CLEC12A: variants seen among roughly 807,000 people sequenced by gnomAD.
CLEC12A encodes C-type lectin protein CLL-1.
Under a neutral mutation model 26.5 loss-of-function variants are expected in CLEC12A, and 22 were observed. That is an observed-to-expected ratio of 0.83 (90% CI 0.59 to 1.19). The LOEUF (loss-of-function observed/expected upper bound fraction) is 1.19. Among genes scored for constraint, CLEC12A ranks in the 50% most tolerant of loss-of-function variants. The pLI, the probability that CLEC12A is intolerant of heterozygous loss-of-function variation, is 0.00. For synonymous variants in CLEC12A, 119 were observed against 101.9 expected, an observed-to-expected ratio of 1.17 and a Z score of -1.01; for missense variants, 353 against 315.6, an observed-to-expected ratio of 1.12 and a Z score of -0.90.
chr12:9,998,992 A>AT (rs749430592), downstream of CLEC12A: 5 of 1,122,308 alleles, frequency 4.5e-6, no homozygotes, highest in South Asian at 1.3e-5. Flanking sequence ...GAATCAACTC[A>AT]TTTTTTAAAT....
intron 1 of CLEC12A, among the ~76,000 whole-genome samples, chr12:9,973,931 G>C (rs1191307793): frequency 2.0e-5 from 3 of 151,948 alleles, no homozygotes; most frequent in Non-Finnish European, 4.4e-5. Context: ...CACAATCCTT[G>C]CTTGACCACT....
the CLEC12A span, among the ~76,000 whole-genome samples, chr12:10,002,618 A>G: frequency 6.6e-6 from 1 of 151,278 alleles, no homozygotes; most frequent in African/African-American, 2.4e-5. Flanking sequence ...AATTTTTTGT[A>G]TTTTTAATAG....
chr12:9,971,021 G>A (rs1017887197), upstream of CLEC12A, among the ~76,000 whole-genome samples: 4 of 152,236 alleles, frequency 2.6e-5, no homozygotes, highest in Non-Finnish European at 5.9e-5. Flanking sequence ...GACACTAACT[G>A]TCTCATTCTC....
the CLEC12A span, among the ~76,000 whole-genome samples, chr12:10,004,179 A>AAC: frequency 6.6e-6 from 1 of 152,278 alleles, no homozygotes; most frequent in South Asian, 2.1e-4. Context: ...GGGTGCCTGG[A>AAC]ACCCCAGTGT....
At chr12:9,968,877 G>A (rs182670340), upstream of CLEC12A, among the ~76,000 whole-genome samples, 713 of 152,212 alleles carry the variant, frequency 4.7e-3, 7 homozygotes, top group South Asian at 0.028. Context: ...GGGAGTGCAG[G>A]TATCTATAGT....
chr12:9,956,730 G>A (rs528828144), intron 1 of CLEC12A, among the ~76,000 whole-genome samples: 22 of 152,298 alleles, frequency 1.4e-4, no homozygotes, highest in Admixed American at 3.9e-4. Context: ...AAATAAATTG[G>A]TCCTACTGTG....
chr12:9,998,980 T>C (rs932217595), downstream of CLEC12A: 3 of 1,002,548 alleles, frequency 3.0e-6, no homozygotes, highest in Non-Finnish European at 4.7e-6. Flanking sequence ...AAAGAAAGAA[T>C]TGAATCAACT....
the CLEC12A span, among the ~76,000 whole-genome samples, chr12:10,005,754 T>G: frequency 3.3e-5 from 5 of 152,328 alleles, no homozygotes; most frequent in East Asian, 7.7e-4. Context: ...CCATCCTATA[T>G]TCATCCTCTG....
chr12:9,954,205 T>TAAAAAA lies in CLEC12A; in HGVS notation c.10+2872_10+2877dup, dbSNP rs35173002. On this transcript the variant is annotated intron_variant, in intron 1 of 6. Transcript: ENST00000355690. Reference sequence around the variant, plus strand: ...GTGAGAAACACCCAAGAATTATCAATAAAAAAAAAAAAAAAAAAAAAAAAA... The same window carrying TAAAAAA: ...GTGAGAAACACCCAAGAATTATCAATAAAAAAAAAAAAAAAAAAAAAAAAAAAAAAA... Among the ~76,000 whole-genome samples, 318 of 64,304 alleles carry TAAAAAA rather than the reference T, an allele frequency of 4.9e-3. 2 individuals are homozygous for TAAAAAA. Among genetic ancestry groups the TAAAAAA allele is most frequent in the Middle Eastern group, 0.023 (2 of 88 alleles). 42.2% of individuals were successfully genotyped at this position (64,304 alleles called of 152,430 possible). A position where few individuals can be genotyped will look rare whatever the true frequency, so the allele number is the denominator to read the frequency against.
intron 1 of CLEC12A, among the ~76,000 whole-genome samples, chr12:9,956,778 A>C (rs760075547): frequency 2.0e-4 from 30 of 152,208 alleles, no homozygotes; most frequent in South Asian, 4.1e-4. Context: ...GGAGAGAGAA[A>C]CATTATGTTT....
At chr12:9,957,216 G>A (rs1039806442) in intron 1 of CLEC12A, among the ~76,000 whole-genome samples, 6 of 151,834 alleles carry the variant, frequency 4.0e-5, no homozygotes, top group African/African-American at 9.7e-5. Context: ...TGGGTAGGGC[G>A]GTGGCTCATG....
downstream of CLEC12A, among the ~76,000 whole-genome samples, chr12:9,998,840 T>A (rs1440200545): frequency 6.6e-6 from 1 of 152,192 alleles, no homozygotes; most frequent in Non-Finnish European, 1.5e-5. Flanking sequence ...CAATTTTCCC[T>A]GCACATATAT....
At chr12:9,980,446 A>AG in intron 3 of CLEC12A, 136 bp from the exon 4 acceptor site, 1 of 962,100 alleles carries the variant, frequency 1.0e-6, no homozygotes, top group South Asian at 1.8e-5. Flanking sequence ...AAAAAAAAAA[A>AG]AAGGGGGAAA....
At chr12:9,973,210 T>C (rs1293106292) in intron 1 of CLEC12A, among the ~76,000 whole-genome samples, 2 of 152,142 alleles carry the variant, frequency 1.3e-5, no homozygotes, top group African/African-American at 4.8e-5. Context: ...CCCATAGTCC[T>C]AGCACTTTGA....
chr12:9,951,447 C>T, intron 1 of CLEC12A: 4 of 700,718 alleles, frequency 5.7e-6, no homozygotes, highest in East Asian at 2.7e-5. Context: ...TTCAGCAAGG[C>T]CAACTGACGG....
chr12:9,983,109 C>CTT, intron 5 of CLEC12A, among the ~76,000 whole-genome samples: 1 of 152,064 alleles, frequency 6.6e-6, no homozygotes, highest in Non-Finnish European at 1.5e-5. Context: ...AGTTCTACAA[C>CTT]AAACATTTAA....
intron 1 of CLEC12A, among the ~76,000 whole-genome samples, chr12:9,964,996 A>G (rs184572201): frequency 2.4e-4 from 37 of 152,324 alleles, no homozygotes; most frequent in Non-Finnish European, 5.4e-4. Flanking sequence ...GAGACTTAAC[A>G]AAAAGGGAGT....
At chr12:9,997,778 C>G (rs1865088409), downstream of CLEC12A, among the ~76,000 whole-genome samples, 1 of 151,960 alleles carries the variant, frequency 6.6e-6, no homozygotes, top group Admixed American at 6.6e-5. Flanking sequence ...CACAAACAAG[C>G]AACAACTACA....
chr12:9,974,271 C>T (rs1009806404), intron 1 of CLEC12A, among the ~76,000 whole-genome samples: 1 of 152,158 alleles, frequency 6.6e-6, no homozygotes, highest in African/African-American at 2.4e-5. Context: ...TCTCCTCATT[C>T]TTTGTTGATT....
Sources: gnomAD v4.1 joint callset for allele counts (sites outside exome capture counted in the v4.1 genomes callset) on GRCh38, gnomAD v4.1.1 for gene constraint, MANE v1.5 for transcripts, NCBI Gene and HGNC (gene_info 2026-07-23, HGNC 2026-07-21) for gene names.